Variants in ATG7 observed in about 807,000 individuals in gnomAD.
ATG7 encodes the protein ubiquitin-like modifier-activating enzyme ATG7.
Under a neutral mutation model 82.4 loss-of-function variants are expected in ATG7, and 70 were observed. The ratio of observed to expected loss-of-function variants is 0.85; its 90% CI spans 0.70 to 1.04. The LOEUF (loss-of-function observed/expected upper bound fraction) is 1.04. Ranked by LOEUF, ATG7 falls within the 50% of genes least tolerant of loss-of-function variation. The probability of loss-of-function intolerance (pLI) is 0.00; values close to 1 mark genes in which losing one functional copy is unlikely to be tolerated. For missense variants in ATG7, 792 were observed against 864.3 expected (o/e 0.92, Z 1.05); for synonymous variants, 287 against 313.0 (o/e 0.92, Z 0.88).
chr3:11,474,473 G>A (rs953799896), intron 20 of ATG7, among the ~76,000 whole-genome samples: 1 of 152,126 alleles, frequency 6.6e-6, no homozygotes, highest in African/African-American at 2.4e-5. Flanking sequence ...GGTGGTGTGC[G>A]CCTGTGGTCC....
chr3:11,453,271 C>T lies in ATG7; in HGVS notation c.2079+26345C>T, dbSNP rs112910565. On this transcript the variant is annotated intron_variant, in intron 20 of 20. Coordinates refer to ENST00000693202, the MANE Select transcript of ATG7 (RefSeq NM_001349232.2). ...CTGAAAGTGTGGAAAGGCCTGTCCC[C>T]AAGCTTTAGTAACTTTTTTTCCACC... 6.1e-3 allele frequency among the ~76,000 whole-genome samples: 935 copies of T among 152,304 alleles called. 10 individuals are homozygous for T. The highest frequency in any genetic ancestry group is 0.021 in the African/African-American group (890 of 41,558).
downstream of ATG7, among the ~76,000 whole-genome samples, chr3:11,560,334 A>G (rs2072869921): frequency 6.6e-6 from 1 of 152,242 alleles, no homozygotes; most frequent in Admixed American, 6.5e-5. Context: ...TTCCCCCAGG[A>G]AAAGTATCTT....
downstream of ATG7, chr3:11,559,436 G>A: frequency 6.4e-7 from 1 of 1,567,256 alleles, no homozygotes; most frequent in Non-Finnish European, 8.6e-7. Flanking sequence ...CGAGGCACAG[G>A]TGATCACGGA....
intron 20 of ATG7, among the ~76,000 whole-genome samples, chr3:11,528,123 T>G (rs1039364213): frequency 2.0e-5 from 3 of 152,236 alleles, no homozygotes; most frequent in African/African-American, 7.2e-5. Flanking sequence ...AACAACTTAA[T>G]GAAGTAAAGT....
intron 20 of ATG7, among the ~76,000 whole-genome samples, chr3:11,445,233 C>T (rs969196653): frequency 6.6e-6 from 1 of 152,174 alleles, no homozygotes; most frequent in Admixed American, 6.5e-5. Context: ...AATCATTCTG[C>T]CATAAAGACA....
In ATG7 at chr3:11,358,283, G is replaced by T. The variant is rs1035006005; in HGVS notation, c.1285-135G>T. Reference sequence around the variant, plus strand: ...GAAGAAGAGAGAGGGCGTGGGAAGGGTGCAGCATAATAGTGCACAGGGAGC... The same window carrying T: ...GAAGAAGAGAGAGGGCGTGGGAAGGTTGCAGCATAATAGTGCACAGGGAGC... On this transcript the variant is annotated intron_variant, in intron 14 of 20. Transcript: ENST00000693202. 6 of 850,806 alleles carry T rather than the reference G, an allele frequency of 7.1e-6. No homozygotes were observed. The African/African-American group carries it at 8.5e-5, about 12-fold the overall frequency. 52.7% of individuals were successfully genotyped at this position (850,806 alleles called of 1,614,324 possible). A position where few individuals can be genotyped will look rare whatever the true frequency, so the allele number is the denominator to read the frequency against.
chr3:11,539,310 A>C (rs1344456470), intron 20 of ATG7, among the ~76,000 whole-genome samples: 1 of 152,210 alleles, frequency 6.6e-6, no homozygotes, highest in African/African-American at 2.4e-5. Context: ...AAATAGCCTG[A>C]GGTGACATAG....
chr3:11,362,710 TG>T, intron 16 of ATG7, 102 bp from the exon 17 acceptor site: 1 of 852,648 alleles, frequency 1.2e-6, no homozygotes, highest in Non-Finnish European at 1.8e-6. Flanking sequence ...AATGAGCATC[TG>T]GTTATAATTT....
chr3:11,472,330 G>A (rs749988617), intron 20 of ATG7, among the ~76,000 whole-genome samples: 16 of 152,206 alleles, frequency 1.1e-4, no homozygotes, highest in Admixed American at 3.3e-4. Flanking sequence ...CCAGGCTTAC[G>A]TCCCCAAGCT....
In ATG7 at chr3:11,506,505, G is replaced by A. The variant is rs574647487; in HGVS notation, c.2080-48306G>A. On this transcript the variant is annotated intron_variant, in intron 20 of 20. Coordinates refer to ENST00000693202, the MANE Select transcript of ATG7 (RefSeq NM_001349232.2). The stretch of plus-strand genomic sequence containing the variant: ...GGCCAAGGTGGGCAGATCACTTGAG[G>A]TCAGGAGTTTGAGACCAGCCTGGTC... 5.8e-5 allele frequency among the ~76,000 whole-genome samples: 8 copies of A among 138,566 alleles called. No homozygotes were observed. The South Asian group carries it at 1.7e-3, about 29-fold the overall frequency. 90.9% of individuals were successfully genotyped at this position (138,566 alleles called of 152,430 possible).
intron 20 of ATG7, among the ~76,000 whole-genome samples, chr3:11,489,479 C>T (rs1003534561): frequency 1.4e-4 from 11 of 75,908 alleles, no homozygotes; most frequent in African/African-American, 6.1e-5. Flanking sequence ...TCTCTATTTC[C>T]TTCAGTTCTG....
rs754652087 is a variant in ATG7 at position 11,371,933 on chromosome 3, C to T, written c.1875+7199C>T. On this transcript the variant is annotated intron_variant, in intron 18 of 20. Coordinates refer to ENST00000693202, the MANE Select transcript of ATG7 (RefSeq NM_001349232.2). ...ACAGGTGTGCCTAATGAATTCCTGC[C>T]GGACCACACGCTGTCCAGCTGGGAA... 2.1e-4 allele frequency among the ~76,000 whole-genome samples: 32 copies of T among 151,418 alleles called. 3 individuals carry two copies. Among genetic ancestry groups the T allele is most frequent in the African/African-American group, 4.9e-4 (20 of 41,148 alleles).
intron 15 of ATG7, 117 bp from the exon 16 acceptor site, chr3:11,360,464 C>A: frequency 9.9e-7 from 1 of 1,014,088 alleles, no homozygotes. Context: ...CTTTTATAAT[C>A]TAATTACACT....
intron 20 of ATG7, among the ~76,000 whole-genome samples, chr3:11,506,660 T>G (rs2091749076): frequency 6.6e-6 from 1 of 151,374 alleles, no homozygotes; most frequent in African/African-American, 2.4e-5. Flanking sequence ...GACAATCACT[T>G]GAACCCAGGA....
intron 20 of ATG7, among the ~76,000 whole-genome samples, chr3:11,522,755 C>T (rs77422734): frequency 0.016 from 2,414 of 152,296 alleles, 29 homozygotes; most frequent in Middle Eastern, 0.027. Context: ...CCTTCAAAAT[C>T]GCCTGTCAAA....
intron 20 of ATG7, among the ~76,000 whole-genome samples, chr3:11,469,269 G>T (rs180929177): frequency 9.7e-4 from 147 of 152,186 alleles, no homozygotes; most frequent in Non-Finnish European, 1.5e-3. Context: ...GACCAACATG[G>T]AGAAACCCCA....
At chr3:11,278,821 G>T (rs957127846) in intron 1 of ATG7, among the ~76,000 whole-genome samples, 2 of 152,204 alleles carry the variant, frequency 1.3e-5, no homozygotes, top group Non-Finnish European at 2.9e-5. Context: ...TGCTATGAAG[G>T]TAAGGTAGTT....
At chr3:11,401,872 G>T (rs1452280075) in intron 19 of ATG7, among the ~76,000 whole-genome samples, 1 of 152,200 alleles carries the variant, frequency 6.6e-6, no homozygotes, top group Non-Finnish European at 1.5e-5. Flanking sequence ...TTAACCTACG[G>T]TGATCCTTTT....
intron 11 of ATG7, among the ~76,000 whole-genome samples, chr3:11,338,518 A>G (rs1952927841): frequency 6.6e-6 from 1 of 152,056 alleles, no homozygotes; most frequent in Admixed American, 6.6e-5. Flanking sequence ...TAACCTCTTT[A>G]TGAAACTCAA....
Sources: allele counts gnomAD v4.1 joint callset (sites outside exome capture counted in the v4.1 genomes callset), GRCh38; gene constraint gnomAD v4.1.1; transcripts MANE v1.5; gene names NCBI Gene and HGNC (gene_info 2026-07-23, HGNC 2026-07-21).